TBCE: variants seen among roughly 807,000 people sequenced by gnomAD.
TBCE encodes tubulin folding cofactor E.
TBCE carries 53 observed loss-of-function variants against 77.0 expected under a neutral mutation model. The observed-to-expected ratio is 0.69, with a 90% CI of 0.55 to 0.87. The LOEUF (loss-of-function observed/expected upper bound fraction) is 0.87. TBCE is among the 40% of genes least tolerant of loss of function. The pLI is 0.00. For synonymous variants in TBCE, 235 were observed against 241.3 expected (o/e 0.97, Z 0.24); for missense variants, 624 against 622.4 (o/e 1.00, Z -0.03).
intron 2 of TBCE, among the ~76,000 whole-genome samples, chr1:235,388,665 G>A (rs143213109): frequency 6.2e-4 from 94 of 152,318 alleles, no homozygotes; most frequent in African/African-American, 2.0e-3. Flanking sequence ...CTGCAAGTCA[G>A]TCAATGTCCG....
At chr1:235,443,539 T>TGAATGGCATAGCCTTTTG (rs1682043027) in intron 15 of TBCE, among the ~76,000 whole-genome samples, 1 of 152,166 alleles carries the variant, frequency 6.6e-6, no homozygotes, top group South Asian at 2.1e-4. Context: ...CCTGAGACCT[T>TGAATGGCATAGCCTTTTG]GAATGGCATA....
intron 9 of TBCE, 52 bp from the exon 10 acceptor site, chr1:235,436,334 C>A: frequency 6.4e-7 from 1 of 1,552,512 alleles, no homozygotes; most frequent in South Asian, 1.1e-5. Flanking sequence ...GTTGATACCC[C>A]ATAGCATTTT....
chr1:235,400,343 C>G (rs182342620), intron 2 of TBCE, among the ~76,000 whole-genome samples: 367 of 148,756 alleles, frequency 2.5e-3, no homozygotes, highest in Middle Eastern at 6.9e-3. Flanking sequence ...GTATAATTTT[C>G]TTTTTCCTTG....
chr1:235,437,835 A>AAG (rs1288858176), intron 12 of TBCE, among the ~76,000 whole-genome samples: 2 of 151,964 alleles, frequency 1.3e-5, no homozygotes, highest in African/African-American at 2.4e-5. Context: ...AAAAAAAAAA[A>AAG]AAAAAGTAAA....
chr1:235,397,262 C>T (rs957096512), intron 2 of TBCE, among the ~76,000 whole-genome samples: 7 of 144,312 alleles, frequency 4.9e-5, no homozygotes, highest in Middle Eastern at 7.9e-3. Flanking sequence ...AGTGCAGTGG[C>T]GCGATCTGGG....
At chr1:235,375,502 A>T (rs1253645999) in intron 1 of TBCE, among the ~76,000 whole-genome samples, 1 of 151,898 alleles carries the variant, frequency 6.6e-6, no homozygotes, top group Non-Finnish European at 1.5e-5. Flanking sequence ...GGGGTGGGGG[A>T]GTGATCAAAG....
At chr1:235,393,302 GC>G (rs1678507684) in intron 2 of TBCE, among the ~76,000 whole-genome samples, 1 of 152,222 alleles carries the variant, frequency 6.6e-6, no homozygotes, top group Non-Finnish European at 1.5e-5. Context: ...ACTTTGGGAG[GC>G]CGAGGTGGGT....
At chr1:235,392,404 T>TC (rs1490036018) in intron 2 of TBCE, among the ~76,000 whole-genome samples, 1 of 57,484 alleles carries the variant, frequency 1.7e-5, no homozygotes, top group African/African-American at 1.7e-4. Context: ...AACAGAATTT[T>TC]TTTTTTTTTT....
At chr1:235,430,527 T>G in intron 6 of TBCE, 178 bp from the exon 7 acceptor site, 1 of 525,356 alleles carries the variant, frequency 1.9e-6, no homozygotes, top group South Asian at 2.1e-5. Context: ...ATGTTAAAAA[T>G]TAGGTAGTCT....
intron 7 of TBCE, among the ~76,000 whole-genome samples, chr1:235,431,010 C>T (rs1681052062): frequency 6.6e-6 from 1 of 152,128 alleles, no homozygotes; most frequent in South Asian, 2.1e-4. Context: ...TCTGGAAATC[C>T]ATGTCCTATC....
chr1:235,407,952 C>G (rs1200008134), intron 3 of TBCE, among the ~76,000 whole-genome samples: 1 of 152,134 alleles, frequency 6.6e-6, no homozygotes, highest in Non-Finnish European at 1.5e-5. Context: ...TCTGCCCACT[C>G]ACCTTTTATT....
At chr1:235,437,580 G>A in intron 12 of TBCE, 106 bp downstream of exon 12, 2 of 1,382,182 alleles carry the variant, frequency 1.4e-6, no homozygotes, top group African/African-American at 2.9e-5. Context: ...GGGAGGCTGG[G>A]GCAGGCTGAT....
At chr1:235,447,093 G>A (rs1180132983) in intron 15 of TBCE, among the ~76,000 whole-genome samples, 1 of 152,176 alleles carries the variant, frequency 6.6e-6, no homozygotes, top group African/African-American at 2.4e-5. Flanking sequence ...AACAATGAAA[G>A]CCAGTCCGTC....
intron 15 of TBCE, 21 bp from the exon 16 acceptor site, chr1:235,448,328 A>C (rs749192982): frequency 1.2e-6 from 2 of 1,609,780 alleles, no homozygotes; most frequent in Non-Finnish European, 1.7e-6. Flanking sequence ...GAACGAATGG[A>C]CTTTTCTTGT....
In TBCE at chr1:235,377,607, G is replaced by C. The variant is rs1677373917; in HGVS notation, c.-31-2412G>C. Among the ~76,000 whole-genome samples the C allele has an allele frequency of 2.6e-5, 4 of 151,944 alleles. No individual in the cohort carries two copies. In the South Asian group the frequency reaches 8.3e-4, roughly 32 times the overall value. On this transcript the variant is annotated intron_variant, in intron 1 of 16. Transcript: ENST00000642610. ...ATTATTCTGTAATATGGAAATAGCA[G>C]GTCTAATGTAACAGACAACTCCAGT...
chr1:235,425,272 G>A (rs997667305), intron 5 of TBCE, among the ~76,000 whole-genome samples: 1 of 152,098 alleles, frequency 6.6e-6, no homozygotes, highest in Non-Finnish European at 1.5e-5. Flanking sequence ...AGATCTTGGA[G>A]TTGTCCTTGA....
chr1:235,419,545 T>C lies in TBCE; in HGVS notation c.444T>C (p.Val148=). 1.2e-6 allele frequency: 2 copies of C among 1,614,176 alleles called. No individual in the cohort carries two copies. Among genetic ancestry groups the C allele is most frequent in the South Asian group, 2.2e-5 (2 of 91,084 alleles). Residue 148 remains valine, a synonymous_variant, in exon 5 of 17, where the codon GTT becomes GTC. Coordinates refer to ENST00000642610, the MANE Select transcript of TBCE (RefSeq NM_003193.5). ...AVSCAGEKGG[V]AEACPNIRKV... is the part of the protein sequence containing the mutation. ...GTTGTGCTGGTGAAAAAGGAGGAGT[T>C]GCTGAAGCATGTCCTAGTATCCTTT...
intron 2 of TBCE, among the ~76,000 whole-genome samples, chr1:235,392,882 T>A (rs1309747750): frequency 6.6e-6 from 1 of 152,012 alleles, no homozygotes; most frequent in Non-Finnish European, 1.5e-5. Context: ...CCAGGCATGG[T>A]GACTCAGGCC....
At chr1:235,388,532 G>A (rs1014059581) in intron 2 of TBCE, among the ~76,000 whole-genome samples, 1 of 151,982 alleles carries the variant, frequency 6.6e-6, no homozygotes. Flanking sequence ...TAGGTGATCT[G>A]CCTGCCCAAG....
Sources: allele counts gnomAD v4.1 joint callset (sites outside exome capture counted in the v4.1 genomes callset), GRCh38; gene constraint gnomAD v4.1.1; transcripts MANE v1.5; gene names NCBI Gene and HGNC (gene_info 2026-07-23, HGNC 2026-07-21).